POT1: variants seen among roughly 807,000 people sequenced by gnomAD.
The protein encoded by POT1 is protection of telomeres protein 1.
POT1 carries 47 observed loss-of-function variants against 78.5 expected under a neutral mutation model. That is an observed-to-expected ratio of 0.60 (90% confidence interval 0.47 to 0.76). The LOEUF (loss-of-function observed/expected upper bound fraction) is 0.76, where lower values mean the gene tolerates loss of function less well. Ranked by LOEUF, POT1 falls within the 30% of genes least tolerant of loss-of-function variation. The pLI is 0.00. For missense variants in POT1, 646 were observed against 749.9 expected, an observed-to-expected ratio of 0.86 and a Z score of 1.62; for synonymous variants, 259 against 260.7, an observed-to-expected ratio of 0.99 and a Z score of 0.06.
At chr7:124,863,743 A>C (rs1795657097) in intron 7 of POT1, 103 bp from the exon 8 acceptor site, 4 of 954,028 alleles carry the variant, frequency 4.2e-6, no homozygotes, top group Non-Finnish European at 6.3e-6. Context: ...TTTTGCCAGC[A>C]TAATTAAGAG....
intron 11 of POT1, among the ~76,000 whole-genome samples, chr7:124,849,093 C>A (rs916798494): frequency 6.6e-6 from 1 of 152,116 alleles, no homozygotes; most frequent in African/African-American, 2.4e-5. Flanking sequence ...GCATCATACA[C>A]AAACATATCC....
intron 6 of POT1, among the ~76,000 whole-genome samples, chr7:124,884,062 ATATATTCATTTAATG>A (rs2116607144): frequency 6.6e-6 from 1 of 152,196 alleles, no homozygotes; most frequent in African/African-American, 2.4e-5. Flanking sequence ...AACGCAAAAT[ATATATTCATTTAATG>A]TGCAACCAGT....
chr7:124,921,868 G>GAAAA (rs914548581), intron 2 of POT1, among the ~76,000 whole-genome samples: 2 of 150,330 alleles, frequency 1.3e-5, no homozygotes, highest in Non-Finnish European at 3.0e-5. Context: ...AATGTGGCAG[G>GAAAA]AAAAAAAAAT....
intron 5 of POT1, among the ~76,000 whole-genome samples, chr7:124,895,923 G>A (rs1478061861): frequency 6.6e-6 from 1 of 151,584 alleles, no homozygotes; most frequent in Non-Finnish European, 1.5e-5. Flanking sequence ...GGCTAGTAAA[G>A]CTTTTAAATC....
At chr7:124,858,877 A>G in intron 9 of POT1, 80 bp downstream of exon 9, 2 of 1,017,252 alleles carry the variant, frequency 2.0e-6, no homozygotes, top group Non-Finnish European at 2.8e-6. Flanking sequence ...ACATGTAACC[A>G]TATATAAAAA....
At chr7:124,875,601 A>G (rs1051857722) in intron 6 of POT1, among the ~76,000 whole-genome samples, 3 of 152,214 alleles carry the variant, frequency 2.0e-5, no homozygotes, top group South Asian at 2.1e-4. Flanking sequence ...AATGCAAAAC[A>G]GCAGCACTTT....
chr7:124,914,870 T>C (rs1239680744), intron 3 of POT1, among the ~76,000 whole-genome samples: 2 of 152,140 alleles, frequency 1.3e-5, no homozygotes, highest in Admixed American at 6.5e-5. Context: ...AGAGAAACAA[T>C]TGCAACTCAA....
At chr7:124,876,365 GATA>G (rs1201999759) in intron 6 of POT1, among the ~76,000 whole-genome samples, 3 of 152,066 alleles carry the variant, frequency 2.0e-5, no homozygotes, top group Non-Finnish European at 4.4e-5. Context: ...TATAGTAAAA[GATA>G]ATGATTGTTT....
chr7:124,900,183 G>A (rs1796584773), intron 3 of POT1, among the ~76,000 whole-genome samples: 1 of 152,114 alleles, frequency 6.6e-6, no homozygotes. Context: ...AACTCTGCCT[G>A]TTTTATTTCC....
At position 124,870,956 on chromosome 7, in the gene POT1, T is replaced by C. The variant is rs1273900041; in HGVS notation, c.210A>G (p.Pro70=). The C allele has an allele frequency of 6.2e-7, 1 of 1,609,974 alleles. No individual in the cohort carries two copies. Among genetic ancestry groups the C allele is most frequent in the Non-Finnish European group, 8.5e-7 (1 of 1,177,542 alleles). Residue 70 remains proline (P), a synonymous_variant, in exon 7 of 19, where the codon CCA becomes CCG. Coordinates refer to ENST00000357628, the MANE Select transcript of POT1 (RefSeq NM_015450.3). ...CAATATCTCCATTTTTATAAATTATTGGAAGGGCTTCATAGTTTCCACTAA... is the reference window on the plus strand; with the variant it reads ...CAATATCTCCATTTTTATAAATTATCGGAAGGGCTTCATAGTTTCCACTAA... The part of the protein sequence containing the change: ...LLFSGNYEAL[P]IIYKNGDIVR...
At chr7:124,889,177 A>G (rs1339377591) in intron 6 of POT1, among the ~76,000 whole-genome samples, 1 of 152,068 alleles carries the variant, frequency 6.6e-6, no homozygotes, top group Non-Finnish European at 1.5e-5. Flanking sequence ...GAATGAGAAG[A>G]AAGTCAAAGA....
At chr7:124,908,647 T>C (rs1796821912) in intron 3 of POT1, among the ~76,000 whole-genome samples, 1 of 151,986 alleles carries the variant, frequency 6.6e-6, no homozygotes, top group African/African-American at 2.4e-5. Context: ...AAAATAATTA[T>C]GTAATAATTG....
rs1251265556 is a variant in POT1 at position 124,822,589 on chromosome 7, C to T, written c.*1373G>A. 2.2e-6 allele frequency: 1 copy of T among 453,020 alleles called. No homozygotes were observed. Among genetic ancestry groups the T allele is most frequent in the Admixed American group, 2.4e-5 (1 of 42,486 alleles). The allele number at this position is 453,020 out of a possible 1,614,324, so 28.1% of individuals were successfully genotyped here. A position where few individuals can be genotyped will look rare whatever the true frequency, so the allele number is the denominator to read the frequency against. On this transcript the variant is annotated 3_prime_UTR_variant, in exon 19 of 19. Coordinates refer to ENST00000357628, the MANE Select transcript of POT1 (RefSeq NM_015450.3). ...AAAATGTTTATTTCACCTTTGTATC[C>T]TGAGCACATCATCAACACGGAAACA...
intron 2 of POT1, among the ~76,000 whole-genome samples, chr7:124,919,401 C>A (rs902432186): frequency 6.6e-6 from 1 of 152,110 alleles, no homozygotes; most frequent in African/African-American, 2.4e-5. Context: ...AAAAATGTAA[C>A]ACATCCTGTT....
chr7:124,834,308 G>A (rs188758223), intron 15 of POT1, among the ~76,000 whole-genome samples: 16 of 152,062 alleles, frequency 1.1e-4, no homozygotes, highest in African/African-American at 3.9e-4. Flanking sequence ...TATCATCAGA[G>A]TAAACAGGCA....
intron 2 of POT1, among the ~76,000 whole-genome samples, chr7:124,923,348 C>T (rs185992577): frequency 6.6e-6 from 1 of 151,384 alleles, no homozygotes; most frequent in Non-Finnish European, 1.5e-5. Context: ...AAAACGGAAA[C>T]CATGAATTAA....
chr7:124,916,422 A>G (rs1797015886), intron 2 of POT1, among the ~76,000 whole-genome samples: 1 of 152,192 alleles, frequency 6.6e-6, no homozygotes, highest in Non-Finnish European at 1.5e-5. Flanking sequence ...GTCAACAATA[A>G]AAAGTTAATC....
rs759675051 is a variant in POT1 at position 124,822,620 on chromosome 7, G to A, written c.*1342C>T. Reference sequence around the variant, plus strand: ...ACATCATCAACACGGAAACACACCTGTTCAACTGTAGGGTTTTAAAATATT... The same window carrying A: ...ACATCATCAACACGGAAACACACCTATTCAACTGTAGGGTTTTAAAATATT... On this transcript the variant is annotated 3_prime_UTR_variant, in exon 19 of 19. Coordinates refer to ENST00000357628, the MANE Select transcript of POT1 (RefSeq NM_015450.3). 1 of 434,292 alleles carries A rather than the reference G, an allele frequency of 2.3e-6. No individual in the cohort carries two copies. Among genetic ancestry groups the A allele is most frequent in the Non-Finnish European group, 4.7e-6 (1 of 212,366 alleles). 26.9% of individuals were successfully genotyped at this position (434,292 alleles called of 1,614,324 possible).
chr7:124,909,053 C>T (rs114482671), intron 3 of POT1, among the ~76,000 whole-genome samples: 3,054 of 151,948 alleles, frequency 0.02, 94 homozygotes, highest in African/African-American at 0.068. Flanking sequence ...AGGCACCACT[C>T]TAATTCCTCT....
Sources: gnomAD v4.1 joint callset for allele counts (sites outside exome capture counted in the v4.1 genomes callset) on GRCh38, gnomAD v4.1.1 for gene constraint, MANE v1.5 for transcripts, NCBI Gene and HGNC (gene_info 2026-07-23, HGNC 2026-07-21) for gene names.